Variants in CCDC134 observed in about 807,000 individuals in gnomAD.
The protein encoded by CCDC134 is coiled-coil domain-containing protein 134.
A neutral mutation model predicts 25.6 loss-of-function variants in CCDC134; 27 were observed. The observed-to-expected ratio is 1.05, with a 90% confidence interval of 0.78 to 1.45. The LOEUF is 1.45. Among genes scored for constraint, CCDC134 ranks in the 40% most tolerant of loss-of-function variants. The pLI, the probability that CCDC134 is intolerant of heterozygous loss-of-function variation, is 0.00. For synonymous variants in CCDC134, 110 were observed against 115.0 expected, an observed-to-expected ratio of 0.96 and a Z score of 0.28; for missense variants, 261 against 286.7, an observed-to-expected ratio of 0.91 and a Z score of 0.65.
chr22:41,828,368 C>A lies in CCDC134; in HGVS notation c.*2545C>A, dbSNP rs1203003522. ...CTTCTCTGACGGTTCCTTGTTCATC[C>A]CATGTATTTACTGACTGCCTGCTAT... On this transcript the variant is annotated 3_prime_UTR_variant, in exon 7 of 7. Coordinates refer to ENST00000255784, the MANE Select transcript of CCDC134 (RefSeq NM_024821.5). Among the ~76,000 whole-genome samples, 1 of 152,126 alleles carries A rather than the reference C, an allele frequency of 6.6e-6. No individual in the cohort carries two copies. Among genetic ancestry groups the A allele is most frequent in the African/African-American group, 2.4e-5 (1 of 41,400 alleles).
chr22:41,810,414 G>A (rs553878280), intron 4 of CCDC134, 123 bp downstream of exon 4: 4 of 831,894 alleles, frequency 4.8e-6, no homozygotes, highest in East Asian at 2.8e-5. Context: ...CACCTTCTAA[G>A]TGGTCCCCTT....
chr22:41,824,269 G>T (rs772163568), intron 6 of CCDC134, among the ~76,000 whole-genome samples: 13 of 152,174 alleles, frequency 8.5e-5, no homozygotes, highest in Non-Finnish European at 1.6e-4. Flanking sequence ...TGGAAAGAGC[G>T]TTCTGGGCCT....
At position 41,828,954 on chromosome 22, in the gene CCDC134, T is replaced by A. The variant is rs1021883394; in HGVS notation, c.*3131T>A. ...CTAGTCTGTGAGCTCCCTGATATCC[T>A]TTAAGACAGCGTTTTCCAGCAGCGG... On this transcript the variant is annotated 3_prime_UTR_variant, in exon 7 of 7. Coordinates refer to ENST00000255784, the MANE Select transcript of CCDC134 (RefSeq NM_024821.5). Among the ~76,000 whole-genome samples the A allele has an allele frequency of 9.2e-5, 14 of 152,156 alleles. No individual in the cohort carries two copies. Among genetic ancestry groups the A allele is most frequent in the Non-Finnish European group, 5.9e-5 (4 of 68,020 alleles).
At chr22:41,820,561 G>C (rs1196787087) in intron 6 of CCDC134, among the ~76,000 whole-genome samples, 7 of 152,334 alleles carry the variant, frequency 4.6e-5, no homozygotes, top group African/African-American at 1.7e-4. Context: ...GTTGATAGTG[G>C]CTTGAACCAG....
chr22:41,813,847 T>TG, intron 6 of CCDC134, 25 bp downstream of exon 6: 1 of 1,609,862 alleles, frequency 6.2e-7, no homozygotes, highest in South Asian at 1.1e-5. Flanking sequence ...CCTATGCCTG[T>TG]GTCTGCTTTG....
intron 6 of CCDC134, among the ~76,000 whole-genome samples, chr22:41,815,501 G>A (rs1016353014): frequency 6.6e-6 from 1 of 151,970 alleles, no homozygotes; most frequent in Non-Finnish European, 1.5e-5. Context: ...CACCGCACCC[G>A]GCCTAACTCA....
In CCDC134 at chr22:41,830,088, T is replaced by C. The variant is rs1036333590; in HGVS notation, c.*4265T>C. On this transcript the variant is annotated 3_prime_UTR_variant, in exon 7 of 7. Coordinates refer to ENST00000255784, the MANE Select transcript of CCDC134 (RefSeq NM_024821.5). ...GCCCGGCTGTCCATCTCTTTTCAGA[T>C]GAAGAGCTCAGGTTCTGAGGAGTGA... Among the ~76,000 whole-genome samples, 1 of 152,192 alleles carries C rather than the reference T, an allele frequency of 6.6e-6. No homozygotes were observed. Among genetic ancestry groups the C allele is most frequent in the East Asian group, 1.9e-4 (1 of 5,200 alleles).
At position 41,813,316 on chromosome 22, in the gene CCDC134, C is replaced by A. The variant is rs1371159226; in HGVS notation, c.363C>A (p.Arg121=). ...NTAFFGDVVL[R]FPRIVHYYFD... ...CCTTCTTCGGCGATGTGGTGCTGCG[C>A]TTCCCGAGGATTGTGCACTATTACT... Residue 121 remains arginine (R), a synonymous_variant, in exon 5 of 7, where the codon CGC becomes CGA. Transcript: ENST00000255784. The A allele has an allele frequency of 1.2e-6, 2 of 1,614,180 alleles. No homozygotes were observed. Among genetic ancestry groups the A allele is most frequent in the Non-Finnish European group, 1.7e-6 (2 of 1,180,038 alleles).
chr22:41,812,158 A>T (rs1333661066), intron 4 of CCDC134, among the ~76,000 whole-genome samples: 2 of 152,082 alleles, frequency 1.3e-5, no homozygotes, highest in African/African-American at 4.8e-5. Context: ...CAGGTGGCTT[A>T]CTCCTGTAAT....
intron 4 of CCDC134, among the ~76,000 whole-genome samples, chr22:41,812,332 G>A (rs891650529): frequency 4.1e-5 from 6 of 144,716 alleles, no homozygotes; most frequent in African/African-American, 7.8e-5. Flanking sequence ...TGAGGCAGGA[G>A]AATCACTTGA....
intron 1 of CCDC134, among the ~76,000 whole-genome samples, chr22:41,807,042 C>T (rs1414639679): frequency 2.0e-5 from 3 of 151,910 alleles, no homozygotes; most frequent in South Asian, 2.1e-4. Context: ...AGCAAGACTC[C>T]GTCTCAAAAA....
intron 6 of CCDC134, among the ~76,000 whole-genome samples, chr22:41,817,110 A>G (rs1188974284): frequency 3.3e-5 from 5 of 152,154 alleles, no homozygotes; most frequent in Admixed American, 2.6e-4. Context: ...CTGCAGGGAA[A>G]TCAGCAAGCA....
chr22:41,824,231 C>T (rs888991449), intron 6 of CCDC134, among the ~76,000 whole-genome samples: 2 of 152,252 alleles, frequency 1.3e-5, no homozygotes, highest in Admixed American at 6.5e-5. Flanking sequence ...CAGCTGAGCC[C>T]GAGCTAATGT....
At chr22:41,821,310 CCTTT>C (rs1051108172) in intron 6 of CCDC134, among the ~76,000 whole-genome samples, 16 of 151,472 alleles carry the variant, frequency 1.1e-4, no homozygotes, top group Non-Finnish European at 2.9e-5. Flanking sequence ...GAAAAGTTTT[CCTTT>C]CTTTTTTTTT....
chr22:41,803,096 A>C (rs2076551826), intron 1 of CCDC134, among the ~76,000 whole-genome samples: 1 of 151,956 alleles, frequency 6.6e-6, no homozygotes. Flanking sequence ...CCTGGGCAAC[A>C]AGAGCGAAAC....
chr22:41,811,840 T>C (rs2076597868), intron 4 of CCDC134, among the ~76,000 whole-genome samples: 1 of 152,180 alleles, frequency 6.6e-6, no homozygotes, highest in African/African-American at 2.4e-5. Context: ...ATCATCTTTT[T>C]GAGGGGTTAT....
intron 2 of CCDC134, among the ~76,000 whole-genome samples, 171 bp downstream of exon 2, chr22:41,809,164 C>G (rs976770181): frequency 5.3e-5 from 8 of 152,152 alleles, no homozygotes; most frequent in Admixed American, 5.2e-4. Flanking sequence ...CTTCAGCTTC[C>G]GCGTATGGTA....
intron 6 of CCDC134, among the ~76,000 whole-genome samples, chr22:41,823,749 C>T (rs73885832): frequency 0.012 from 1,856 of 152,326 alleles, 38 homozygotes; most frequent in African/African-American, 0.043. Context: ...CATGCCTCCA[C>T]AGTCAGACTG....
chr22:41,816,560 G>A (rs1275049790), intron 6 of CCDC134, among the ~76,000 whole-genome samples: 1 of 152,258 alleles, frequency 6.6e-6, no homozygotes, highest in Non-Finnish European at 1.5e-5. Flanking sequence ...GTTTTGCCAG[G>A]TGGCAGTGAT....
Sources: gnomAD v4.1 joint callset for allele counts (sites outside exome capture counted in the v4.1 genomes callset) on GRCh38, gnomAD v4.1.1 for gene constraint, MANE v1.5 for transcripts, NCBI Gene and HGNC (gene_info 2026-07-23, HGNC 2026-07-21) for gene names.